The following NTN4 variants were observed in gnomAD, a reference collection of about 807,000 sequenced individuals.
NTN4 encodes netrin 4.
NTN4 carries 32 observed loss-of-function variants against 73.6 expected under a neutral mutation model. The ratio of observed to expected loss-of-function variants is 0.44; its 90% CI spans 0.33 to 0.58. The LOEUF is 0.58. NTN4 is among the 20% of genes least tolerant of loss of function. The pLI is 0.04. For synonymous variants in NTN4, 258 were observed against 287.5 expected (o/e 0.90, Z 1.04); for missense variants, 654 against 798.3 (o/e 0.82, Z 2.18).
intron 5 of NTN4, among the ~76,000 whole-genome samples, chr12:95,686,955 G>A (rs140002523): frequency 1.2e-4 from 18 of 152,216 alleles, no homozygotes; most frequent in East Asian, 3.9e-4. Context: ...TGCATTTTAC[G>A]TTTCTGCATT....
At position 95,773,264 on chromosome 12, in the gene NTN4, A is replaced by T. The variant is rs368317825; in HGVS notation, c.585+13675T>A. ...GGTGATTCACCAGCCTCGGCCTCCC[A>T]AGGTGCTAGGATTATAGGCATGAGC... On this transcript the variant is annotated intron_variant, in intron 2 of 9. Transcript: ENST00000343702. 3.9e-4 allele frequency among the ~76,000 whole-genome samples: 59 copies of T among 152,288 alleles called. 1 individual carries two copies. In the East Asian group the frequency reaches 9.1e-3, roughly 23 times the overall value.
intron 9 of NTN4, among the ~76,000 whole-genome samples, chr12:95,664,691 C>A (rs1233675858): frequency 1.3e-5 from 2 of 152,082 alleles, no homozygotes; most frequent in Non-Finnish European, 2.9e-5. Flanking sequence ...CAGCTCACTG[C>A]AACCTCTGCC....
At chr12:95,683,082 G>A (rs755470532) in intron 6 of NTN4, among the ~76,000 whole-genome samples, 8 of 138,672 alleles carry the variant, frequency 5.8e-5, no homozygotes, top group Non-Finnish European at 9.6e-5. Flanking sequence ...GTTTTAAAAC[G>A]GAGTTTTACT....
At chr12:95,778,592 C>T (rs1281055063) in intron 2 of NTN4, among the ~76,000 whole-genome samples, 3 of 152,174 alleles carry the variant, frequency 2.0e-5, no homozygotes, top group Non-Finnish European at 4.4e-5. Flanking sequence ...GACACATACA[C>T]CCTCCCAAGA....
chr12:95,790,938 G>GA (rs2079206388), upstream of NTN4, among the ~76,000 whole-genome samples: 2 of 148,522 alleles, frequency 1.3e-5, no homozygotes, highest in South Asian at 2.1e-4. The surrounding 1 kb of genome is among the most constrained non-coding windows in gnomAD (Gnocchi z 6.5). Context: ...CGGGGGGGGG[G>GA]TCCCCCGCGC....
At chr12:95,708,649 T>C (rs1386303391) in intron 5 of NTN4, among the ~76,000 whole-genome samples, 1 of 152,102 alleles carries the variant, frequency 6.6e-6, no homozygotes, top group African/African-American at 2.4e-5. Flanking sequence ...GCTCAAGTGA[T>C]CCTCCCACCT....
chr12:95,759,497 T>TG lies in NTN4; in HGVS notation c.586-21354_586-21353insC, dbSNP rs933002420. Reference sequence around the variant, plus strand: ...AGTCCCTAGTAGTATTTTTGTTTTTTTTTTTTTTTGAGATGGGGTCTTGCT... The same window carrying TG: ...AGTCCCTAGTAGTATTTTTGTTTTTTGTTTTTTTTTGAGATGGGGTCTTGCT... On this transcript the variant is annotated intron_variant, in intron 2 of 9. Coordinates refer to ENST00000343702, the MANE Select transcript of NTN4 (RefSeq NM_021229.4). 2.2e-4 allele frequency among the ~76,000 whole-genome samples: 33 copies of TG among 150,396 alleles called. 1 individual carries two copies. Among genetic ancestry groups the TG allele is most frequent in the African/African-American group, 8.2e-4 (33 of 40,480 alleles).
At chr12:95,778,069 C>A (rs2079107039) in intron 2 of NTN4, among the ~76,000 whole-genome samples, 1 of 152,006 alleles carries the variant, frequency 6.6e-6, no homozygotes, top group Non-Finnish European at 1.5e-5. Context: ...CTACTGGGTA[C>A]ATAACGAAAT....
At chr12:95,757,472 C>T (rs888267074) in intron 2 of NTN4, among the ~76,000 whole-genome samples, 1 of 152,028 alleles carries the variant, frequency 6.6e-6, no homozygotes, top group African/African-American at 2.4e-5. Flanking sequence ...GTGAAATGAA[C>T]AGACCTTCCC....
intron 2 of NTN4, among the ~76,000 whole-genome samples, chr12:95,771,190 C>G (rs1026430571): frequency 1.3e-5 from 2 of 151,964 alleles, no homozygotes; most frequent in Non-Finnish European, 2.9e-5. Flanking sequence ...GGGGTTTCAC[C>G]GTGTTAGCCA....
In NTN4 at chr12:95,787,452, A is replaced by T. The variant is rs764634545; in HGVS notation, c.72T>A (p.Ala24=). Residue 24 remains alanine, a synonymous_variant, in exon 2 of 10, where the codon GCT becomes GCA. Coordinates refer to ENST00000343702, the MANE Select transcript of NTN4 (RefSeq NM_021229.4). ...TVVAAGLSGV[A]GVSSRCEKAC... ...CTTTTTCACAGCGGGAACTCACTCC[A>T]GCTACTCCACTCAGTCCTAAGAAAG... 2 of 1,613,962 alleles carry T rather than the reference A, an allele frequency of 1.2e-6. No individual in the cohort carries two copies. The highest frequency in any genetic ancestry group is 1.7e-6 in the Non-Finnish European group (2 of 1,179,974).
chr12:95,727,407 T>G (rs2078703142), intron 3 of NTN4, among the ~76,000 whole-genome samples: 1 of 152,176 alleles, frequency 6.6e-6, no homozygotes, highest in Non-Finnish European at 1.5e-5. Context: ...ATAGCATCCT[T>G]TGATGCACAA....
chr12:95,776,656 C>A (rs2079094866), intron 2 of NTN4, among the ~76,000 whole-genome samples: 1 of 152,102 alleles, frequency 6.6e-6, no homozygotes, highest in African/African-American at 2.4e-5. Flanking sequence ...AAATATGGGA[C>A]TATGTGAAAA....
chr12:95,674,662 C>T lies in NTN4; in HGVS notation c.1511-4516G>A, dbSNP rs193253543. 2.6e-3 allele frequency among the ~76,000 whole-genome samples: 391 copies of T among 152,296 alleles called. 1 individual carries two copies. The highest frequency in any genetic ancestry group is 9.1e-3 in the African/African-American group (377 of 41,546). Reference sequence around the variant, plus strand: ...AGTATATTATACTCCTAGTTGAAAGCTGTTTTTATGGAAACTTATGGGAGG... The same window carrying T: ...AGTATATTATACTCCTAGTTGAAAGTTGTTTTTATGGAAACTTATGGGAGG... On this transcript the variant is annotated intron_variant, in intron 7 of 9. Coordinates refer to ENST00000343702, the MANE Select transcript of NTN4 (RefSeq NM_021229.4).
chr12:95,672,114 A>G (rs1030402796), intron 7 of NTN4, among the ~76,000 whole-genome samples: 58 of 151,678 alleles, frequency 3.8e-4, no homozygotes, highest in African/African-American at 1.4e-3. Context: ...TGAGCCCAGG[A>G]GTCTAAGACC....
intron 2 of NTN4, among the ~76,000 whole-genome samples, chr12:95,784,210 G>A (rs4762623): frequency 0.8 from 122,349 of 152,096 alleles, 49,662 homozygotes; most frequent in South Asian, 0.89. Context: ...TTGAAACTGC[G>A]AAATAAATTT....
intron 2 of NTN4, among the ~76,000 whole-genome samples, chr12:95,756,489 G>T (rs2078947862): frequency 6.6e-6 from 1 of 152,102 alleles, no homozygotes; most frequent in Non-Finnish European, 1.5e-5. Context: ...CCTTCTTTGG[G>T]ACTGAGTCCT....
chr12:95,743,987 C>T (rs1476577475), intron 2 of NTN4, among the ~76,000 whole-genome samples: 1 of 152,108 alleles, frequency 6.6e-6, no homozygotes, highest in African/African-American at 2.4e-5. Context: ...CTGCAACCTC[C>T]ACCTCCTGGG....
At chr12:95,734,563 A>G (rs1359559114) in intron 3 of NTN4, among the ~76,000 whole-genome samples, 1 of 152,224 alleles carries the variant, frequency 6.6e-6, no homozygotes, top group Non-Finnish European at 1.5e-5. Context: ...ATTTCTTAAG[A>G]AGCTACCTTC....
Sources: allele counts gnomAD v4.1 joint callset (sites outside exome capture counted in the v4.1 genomes callset), GRCh38; gene constraint gnomAD v4.1.1; non-coding constraint Gnocchi (gnomAD v3.1); transcripts MANE v1.5; gene names NCBI Gene and HGNC (gene_info 2026-07-23, HGNC 2026-07-21).